The following SYNPO2 variants were observed in gnomAD, a reference collection of about 807,000 sequenced individuals.
The protein encoded by SYNPO2 is synaptopodin 2.
Under a neutral mutation model 85.0 loss-of-function variants are expected in SYNPO2, and 56 were observed. That is an observed-to-expected ratio of 0.66 (90% confidence interval 0.53 to 0.82). The LOEUF is 0.82. Ranked by LOEUF, SYNPO2 falls within the 40% of genes least tolerant of loss-of-function variation. The probability of loss-of-function intolerance (pLI) is 0.00; values close to 1 mark genes in which losing one functional copy is unlikely to be tolerated. For synonymous variants in SYNPO2, 602 were observed against 591.1 expected (o/e 1.02, Z -0.27); for missense variants, 1,575 against 1,534.2 (o/e 1.03, Z -0.44).
Position 118,875,440 on chromosome 4 carries a change from T to C in SYNPO2, c.12+24500T>C, listed in dbSNP as rs1344735918. ...TAGTTTTTTAATATTGATCATTGGA[T>C]TGTACACAACATGCAACTTCCTATA... is the stretch of plus-strand genomic sequence containing the variant. On this transcript the variant is annotated intron_variant, in intron 1 of 4. Coordinates refer to the SYNPO2 transcript ENST00000610556. Among the ~76,000 whole-genome samples the C allele has an allele frequency of 2.0e-5, 3 of 152,204 alleles. No individual in the cohort carries two copies. In the East Asian group the frequency reaches 5.8e-4, roughly 29 times the overall value.
chr4:119,046,342 A>G (rs764363743), intron 4 of SYNPO2, among the ~76,000 whole-genome samples: 24 of 152,212 alleles, frequency 1.6e-4, no homozygotes, highest in Non-Finnish European at 2.8e-4. Flanking sequence ...CAAGAAGTGT[A>G]TATTTTGGCC....
chr4:119,047,040 T>C (rs1738892442), intron 4 of SYNPO2, among the ~76,000 whole-genome samples: 1 of 151,576 alleles, frequency 6.6e-6, no homozygotes, highest in South Asian at 2.1e-4. Flanking sequence ...GTCCATTGCA[T>C]TCATGAAACT....
chr4:118,956,704 T>C (rs2149145241), intron 1 of SYNPO2, among the ~76,000 whole-genome samples: 1 of 152,232 alleles, frequency 6.6e-6, no homozygotes, highest in East Asian at 1.9e-4. Context: ...TGGGTGGCTT[T>C]CACTCTGATA....
At chr4:118,890,733 C>CTCTCTCTCTCTCTCTGTG (rs749295331) in intron 1 of SYNPO2, among the ~76,000 whole-genome samples, 20 of 126,220 alleles carry the variant, frequency 1.6e-4, no homozygotes, top group African/African-American at 3.9e-4. Context: ...CTCTCTCTCT[C>CTCTCTCTCTCTCTCTGTG]TGTGTGTGTG....
chr4:118,852,419 C>T (rs999424449), intron 1 of SYNPO2, among the ~76,000 whole-genome samples: 3 of 152,096 alleles, frequency 2.0e-5, no homozygotes, highest in Non-Finnish European at 2.9e-5. Flanking sequence ...AACACGCACA[C>T]GTATGTTCAT....
intron 1 of SYNPO2, among the ~76,000 whole-genome samples, chr4:118,943,861 G>T (rs1734408223): frequency 6.6e-6 from 1 of 152,146 alleles, no homozygotes; most frequent in African/African-American, 2.4e-5. Context: ...TACCTCTCAA[G>T]GTGACTGTTT....
intron 1 of SYNPO2, among the ~76,000 whole-genome samples, chr4:118,944,138 T>C (rs1334492828): frequency 1.3e-5 from 2 of 152,152 alleles, no homozygotes; most frequent in Non-Finnish European, 2.9e-5. Context: ...TCAGCTTTAC[T>C]TTGGCCACAT....
chr4:118,923,292 A>G (rs531784298), intron 1 of SYNPO2, among the ~76,000 whole-genome samples: 1 of 152,296 alleles, frequency 6.6e-6, no homozygotes, highest in South Asian at 2.1e-4. Flanking sequence ...CTCATGCAGG[A>G]ACAGAAAACC....
chr4:118,999,057 C>A (rs1560961960), intron 1 of SYNPO2, among the ~76,000 whole-genome samples: 2 of 152,208 alleles, frequency 1.3e-5, no homozygotes, highest in East Asian at 1.9e-4. Flanking sequence ...GATTTAACAG[C>A]CTTTACCTCT....
chr4:118,993,314 G>C (rs542607670), intron 1 of SYNPO2, among the ~76,000 whole-genome samples: 3 of 152,268 alleles, frequency 2.0e-5, no homozygotes, highest in African/African-American at 7.2e-5. Flanking sequence ...AAGCATGATG[G>C]ACGGTGAGGA....
chr4:118,918,848 C>G (rs1460663946), intron 1 of SYNPO2, among the ~76,000 whole-genome samples: 1 of 152,146 alleles, frequency 6.6e-6, no homozygotes, highest in Admixed American at 6.6e-5. Context: ...TTTAATTCTT[C>G]ATCAAGTATT....
intron 4 of SYNPO2, chr4:119,041,962 A>C (rs938482081): frequency 1.4e-4 from 21 of 152,246 alleles, no homozygotes; most frequent in Admixed American, 4.6e-4. Context: ...ACACTTTTCT[A>C]ACATGCAAAC....
rs371041061 is a variant in SYNPO2, at chr4:119,031,172, G to C, written c.2397G>C (p.Lys799Asn). The C allele has an allele frequency of 6.2e-7, 1 of 1,613,958 alleles. No individual in the cohort carries two copies. The change falls in exon 4 of 5, where the codon AAG becomes AAC. Residue 799 changes from lysine to asparagine, a missense_variant. Transcript: ENST00000307142. The part of the protein sequence containing the change: ...PPAFPTSNPS[K>N]GTVVSSIKIA... ...CCTTCCCCACATCCAACCCATCAAAGGGCACCGTTGTCTCCTCCATCAAAA... is the reference window on the plus strand; with the variant it reads ...CCTTCCCCACATCCAACCCATCAAACGGCACCGTTGTCTCCTCCATCAAAA...
intron 1 of SYNPO2, among the ~76,000 whole-genome samples, chr4:118,967,312 C>T (rs545803144): frequency 5.9e-5 from 9 of 152,132 alleles, no homozygotes; most frequent in African/African-American, 2.2e-4. Flanking sequence ...TGATTTTCGT[C>T]GAGCCACCTG....
intron 1 of SYNPO2, among the ~76,000 whole-genome samples, chr4:118,998,145 A>G (rs1359333504): frequency 6.6e-6 from 1 of 152,210 alleles, no homozygotes; most frequent in East Asian, 1.9e-4. Flanking sequence ...TTATTTGAGG[A>G]AAATTACAAG....
intron 4 of SYNPO2, among the ~76,000 whole-genome samples, chr4:119,056,016 A>G (rs1739194186): frequency 6.6e-6 from 1 of 152,238 alleles, no homozygotes; most frequent in Non-Finnish European, 1.5e-5. Context: ...TGTTTATGAA[A>G]TTAGAGCACA....
At chr4:118,912,666 T>C (rs970192242) in intron 1 of SYNPO2, among the ~76,000 whole-genome samples, 8 of 152,178 alleles carry the variant, frequency 5.3e-5, no homozygotes, top group Non-Finnish European at 1.0e-4. Context: ...ATGGAACTTA[T>C]CTACCTGAAA....
intron 1 of SYNPO2, among the ~76,000 whole-genome samples, chr4:118,853,761 A>G (rs1731462385): frequency 6.6e-6 from 1 of 152,132 alleles, no homozygotes; most frequent in Admixed American, 6.5e-5. Context: ...CAATTATGCC[A>G]TGGCCTGTGC....
chr4:118,867,456 T>C (rs796899894), intron 1 of SYNPO2, among the ~76,000 whole-genome samples: 5 of 120,214 alleles, frequency 4.2e-5, no homozygotes, highest in African/African-American at 1.3e-4. Flanking sequence ...GTGGTTCCTA[T>C]TAGTTTCTTT....
Sources: allele counts gnomAD v4.1 joint callset (sites outside exome capture counted in the v4.1 genomes callset), GRCh38; gene constraint gnomAD v4.1.1; transcripts MANE v1.5; gene names NCBI Gene and HGNC (gene_info 2026-07-23, HGNC 2026-07-21).